SORBS2: variants seen among roughly 807,000 people sequenced by gnomAD.
SORBS2 encodes sorbin and SH3 domain-containing protein 2.
SORBS2 carries 46 observed loss-of-function variants against 97.7 expected under a neutral mutation model. The observed-to-expected ratio is 0.47, with a 90% CI of 0.37 to 0.60. The LOEUF (loss-of-function observed/expected upper bound fraction) is 0.60. Among genes scored for constraint, SORBS2 ranks in the 20% least tolerant of loss-of-function variants. The pLI, the probability that SORBS2 is intolerant of heterozygous loss-of-function variation, is 0.00. For synonymous variants in SORBS2, 476 were observed against 473.4 expected (o/e 1.01, Z -0.07); for missense variants, 1,316 against 1,282.3 (o/e 1.03, Z -0.40).
chr4:185,735,828 G>T (rs1271821315), intron 2 of SORBS2, among the ~76,000 whole-genome samples: 1 of 151,972 alleles, frequency 6.6e-6, no homozygotes, highest in Admixed American at 6.5e-5. Context: ...TTTAACCGTT[G>T]CAATTAACAC....
chr4:185,785,851 A>T (rs1423223237), intron 1 of SORBS2, among the ~76,000 whole-genome samples: 2 of 152,310 alleles, frequency 1.3e-5, no homozygotes, highest in African/African-American at 4.8e-5. Context: ...GTTTGGGCAT[A>T]ATCGTTGAGC....
At chr4:185,849,638 G>A (rs1188714708) in intron 1 of SORBS2, among the ~76,000 whole-genome samples, 1 of 152,124 alleles carries the variant, frequency 6.6e-6, no homozygotes, top group Non-Finnish European at 1.5e-5. Context: ...TTCACCCCTT[G>A]TTGCAGAATA....
chr4:185,913,874 C>T (rs2099256673), intron 1 of SORBS2, among the ~76,000 whole-genome samples: 1 of 152,094 alleles, frequency 6.6e-6, no homozygotes. Context: ...ATGTAGAAAA[C>T]ATAATTTAAT....
At chr4:185,767,764 T>C (rs1039236) in intron 2 of SORBS2, among the ~76,000 whole-genome samples, 117,346 of 152,038 alleles carry the variant, frequency 0.77, 45,701 homozygotes, top group African/African-American at 0.86. Flanking sequence ...CAGTTACATC[T>C]GTGTAACAGG....
intron 2 of SORBS2, among the ~76,000 whole-genome samples, chr4:185,723,643 G>A (rs1047478352): frequency 6.6e-6 from 1 of 152,194 alleles, no homozygotes; most frequent in African/African-American, 2.4e-5. Flanking sequence ...GGGGGCTTGA[G>A]GTAGGGAGTG....
At chr4:185,924,146 G>A (rs2099262365) in intron 1 of SORBS2, among the ~76,000 whole-genome samples, 2 of 152,174 alleles carry the variant, frequency 1.3e-5, no homozygotes, top group African/African-American at 4.8e-5. Context: ...GTGAGTGTGA[G>A]GATAGATATA....
At chr4:185,889,444 A>T (rs114288573) in intron 1 of SORBS2, among the ~76,000 whole-genome samples, 4,085 of 150,666 alleles carry the variant, frequency 0.027, 88 homozygotes, top group Non-Finnish European at 0.04. Flanking sequence ...CACCTCTGCT[A>T]TTTTTTTTCA....
At chr4:185,720,464 C>G (rs1401686906) in intron 2 of SORBS2, among the ~76,000 whole-genome samples, 2 of 152,096 alleles carry the variant, frequency 1.3e-5, no homozygotes, top group African/African-American at 2.4e-5. Context: ...GCACTGTAAC[C>G]CAGTAGATCA....
chr4:185,930,828 A>G (rs1394042220), intron 1 of SORBS2, among the ~76,000 whole-genome samples: 1 of 152,190 alleles, frequency 6.6e-6, no homozygotes, highest in Non-Finnish European at 1.5e-5. Context: ...AAAAGTAATA[A>G]TGACTTGTAT....
intron 5 of SORBS2, among the ~76,000 whole-genome samples, chr4:185,629,995 C>G (rs2096881257): frequency 6.6e-6 from 1 of 152,078 alleles, no homozygotes; most frequent in Non-Finnish European, 1.5e-5. Flanking sequence ...CTCTCCTTGC[C>G]AACTGTGTAA....
intron 1 of SORBS2, among the ~76,000 whole-genome samples, chr4:185,781,901 A>G (rs544479279): frequency 7.2e-5 from 11 of 152,210 alleles, no homozygotes; most frequent in Non-Finnish European, 1.3e-4. Flanking sequence ...ACTCGTAAAG[A>G]ATCACCTTCC....
At chr4:185,633,457 G>A (rs2096939664) in intron 4 of SORBS2, among the ~76,000 whole-genome samples, 1 of 150,078 alleles carries the variant, frequency 6.7e-6, no homozygotes, top group South Asian at 2.1e-4. Context: ...CTGGCAAAGT[G>A]CTTTTTATGT....
At chr4:185,754,392 C>T (rs13113964) in intron 2 of SORBS2, among the ~76,000 whole-genome samples, 48,339 of 151,892 alleles carry the variant, frequency 0.32, 8,087 homozygotes, top group African/African-American at 0.4. Context: ...CACAAACCCC[C>T]CATAACACAC....
intron 2 of SORBS2, among the ~76,000 whole-genome samples, chr4:185,687,976 T>C (rs943348887): frequency 7.2e-5 from 11 of 152,144 alleles, no homozygotes; most frequent in Non-Finnish European, 2.9e-5. Flanking sequence ...ACCTGCAGCC[T>C]TGCTAGGCTA....
chr4:185,892,246 G>A (rs2099242890), intron 1 of SORBS2, among the ~76,000 whole-genome samples: 2 of 152,158 alleles, frequency 1.3e-5, no homozygotes, highest in Admixed American at 1.3e-4. Flanking sequence ...GAATAAAGAG[G>A]TTAAAGAAAA....
chr4:185,606,271 A>G lies in SORBS2; in HGVS notation c.2796+5509T>C, dbSNP rs1338401560. On this transcript the variant is annotated intron_variant, in intron 12 of 14. Coordinates refer to ENST00000418609, the Ensembl canonical transcript of SORBS2. This position sits in a 1 kb window ranked among gnomAD's most constrained non-coding sequence, Gnocchi z 4.3. Reference sequence around the variant, plus strand: ...TTTAGAATAGTGTCTGATACTCAGTAAGAGCTCCACTATTAGCTATCATTG... The same window carrying G: ...TTTAGAATAGTGTCTGATACTCAGTGAGAGCTCCACTATTAGCTATCATTG... The G allele has an allele frequency of 4.1e-6, 4 of 984,044 alleles. No homozygotes were observed. The highest frequency in any genetic ancestry group is 9.4e-5 in the South Asian group (2 of 21,236). The allele number at this position is 984,044 out of a possible 1,614,324, so 61.0% of individuals were successfully genotyped here.
At position 185,678,409 on chromosome 4, in the gene SORBS2, G is replaced by A. The variant is rs375849024; in HGVS notation, c.-46+14C>T. 2.6e-6 allele frequency: 4 copies of A among 1,546,186 alleles called. No homozygotes were observed. The highest frequency in any genetic ancestry group is 2.4e-5 in the South Asian group (2 of 82,914). ...CCTTAAAATAATGCAGTAGCCAAGA[G>A]TGTGCAGGGTTACCTGAGTTGGTGA... On this transcript the variant is annotated intron_variant, in intron 4 of 20. Transcript: ENST00000284776.
chr4:185,706,426 C>G (rs1331962656), intron 2 of SORBS2, among the ~76,000 whole-genome samples: 3 of 152,136 alleles, frequency 2.0e-5, no homozygotes, highest in Non-Finnish European at 2.9e-5. Flanking sequence ...TTGATTGTAG[C>G]AATGGAGAAT....
chr4:185,695,994 C>T (rs890910428), intron 2 of SORBS2, among the ~76,000 whole-genome samples: 1 of 152,192 alleles, frequency 6.6e-6, no homozygotes, highest in African/African-American at 2.4e-5. Context: ...CCTGTGCTAA[C>T]AGTGCCTGAA....
Sources: gnomAD v4.1 joint callset for allele counts (sites outside exome capture counted in the v4.1 genomes callset) on GRCh38, gnomAD v4.1.1 for gene constraint, Gnocchi (gnomAD v3.1) non-coding constraint, MANE v1.5 for transcripts, NCBI Gene and HGNC (gene_info 2026-07-23, HGNC 2026-07-21) for gene names.